The following GALNT2 variants were observed in gnomAD, a reference collection of about 807,000 sequenced individuals.
GALNT2 encodes the protein polypeptide N-acetylgalactosaminyltransferase 2.
A neutral mutation model predicts 81.4 loss-of-function variants in GALNT2; 31 were observed. The observed-to-expected ratio is 0.38, with a 90% CI of 0.29 to 0.51. The LOEUF is 0.51. Ranked by LOEUF, GALNT2 falls within the 20% of genes least tolerant of loss-of-function variation. The pLI is 0.87. For missense variants in GALNT2, 629 were observed against 765.7 expected, an observed-to-expected ratio of 0.82 and a Z score of 2.11; for synonymous variants, 303 against 287.4, an observed-to-expected ratio of 1.05 and a Z score of -0.55.
rs182842011 is a variant in GALNT2, at chr1:230,241,307, A to G, written c.608-1999A>G. ...TGACATTGTGGATGATATGTTGTAG[A>G]AACACTGGATTATGTTATCTTTCTC... On this transcript the variant is annotated intron_variant, in intron 6 of 15. Coordinates refer to ENST00000366672, the MANE Select transcript of GALNT2 (RefSeq NM_004481.5). Among the ~76,000 whole-genome samples, 1,092 of 152,322 alleles carry G rather than the reference A, an allele frequency of 7.2e-3. 9 individuals are homozygous for G. Among genetic ancestry groups the G allele is most frequent in the Middle Eastern group, 0.01 (3 of 294 alleles).
Position 230,209,976 on chromosome 1 carries a change from T to C in GALNT2, c.374+6686T>C, listed in dbSNP as rs571840593. On this transcript the variant is annotated intron_variant, in intron 3 of 15. Transcript: ENST00000366672. ...TGAAATGACTTGGGTAACACTTGCC[T>C]TCATTTTCTCTTAAGCTCTTCTGAA... Among the ~76,000 whole-genome samples the C allele has an allele frequency of 5.9e-5, 9 of 152,342 alleles. No homozygotes were observed. The South Asian group carries it at 1.7e-3, about 28-fold the overall frequency.
At chr1:230,105,525 AGTTGATG>A (rs1660518364) in intron 1 of GALNT2, among the ~76,000 whole-genome samples, 3 of 152,148 alleles carry the variant, frequency 2.0e-5, no homozygotes, top group East Asian at 3.9e-4. Flanking sequence ...TGCTCCCTAG[AGTTGATG>A]GTCCCTGCGG....
chr1:230,119,460 G>A (rs181788628), intron 1 of GALNT2, among the ~76,000 whole-genome samples: 1 of 152,170 alleles, frequency 6.6e-6, no homozygotes, highest in South Asian at 2.1e-4. Flanking sequence ...TGCTCGCCAC[G>A]TGGGGTCTGT....
intron 1 of GALNT2, among the ~76,000 whole-genome samples, chr1:230,148,578 CTT>C (rs1298902318): frequency 6.6e-6 from 1 of 151,578 alleles, no homozygotes; most frequent in South Asian, 2.1e-4. Context: ...GTTTTGTTTT[CTT>C]TTTTTTTCTT....
At chr1:230,214,953 G>A (rs1312283048) in intron 3 of GALNT2, among the ~76,000 whole-genome samples, 1 of 152,082 alleles carries the variant, frequency 6.6e-6, no homozygotes, top group East Asian at 1.9e-4. Context: ...GTGTTTTGTT[G>A]TGTATGAATA....
At chr1:230,265,025 G>A (rs565399290) in intron 13 of GALNT2, 95 of 501,160 alleles carry the variant, frequency 1.9e-4, no homozygotes, top group African/African-American at 1.3e-3. Context: ...GAATACTTCT[G>A]CAACATACAG....
intron 1 of GALNT2, among the ~76,000 whole-genome samples, chr1:230,087,842 G>A (rs189026799): frequency 3.3e-5 from 5 of 152,314 alleles, no homozygotes; most frequent in Middle Eastern, 3.4e-3. Flanking sequence ...ATATTGATGG[G>A]CATATAATGA....
chr1:230,149,863 C>T (rs762328304), intron 1 of GALNT2, among the ~76,000 whole-genome samples: 12 of 152,202 alleles, frequency 7.9e-5, no homozygotes, highest in African/African-American at 1.4e-4. Context: ...CTGGCAGAGC[C>T]GTCTCTGGGC....
upstream of GALNT2, among the ~76,000 whole-genome samples, chr1:230,065,181 CT>C (rs1659142954): frequency 6.6e-6 from 1 of 151,916 alleles, no homozygotes; most frequent in South Asian, 2.1e-4. Context: ...CTCTCTGAAC[CT>C]TTTTACTTCT....
chr1:230,071,182 T>C (rs1659359192), intron 1 of GALNT2, among the ~76,000 whole-genome samples: 1 of 152,258 alleles, frequency 6.6e-6, no homozygotes, highest in South Asian at 2.1e-4. Flanking sequence ...CAATTCTTGA[T>C]TTCTGGAAAA....
At position 230,191,736 on chromosome 1, in the gene GALNT2, C is replaced by T. The variant is rs1290807242; in HGVS notation, c.221-11401C>T. Among the ~76,000 whole-genome samples the T allele has an allele frequency of 2.6e-5, 4 of 152,250 alleles. No homozygotes were observed. In the East Asian group the frequency reaches 7.7e-4, roughly 29 times the overall value. ...CTATGTTCCCCAGGCTGATCTCAAA[C>T]TCCTGAGCCCAAGTGATCCCTATTC... On this transcript the variant is annotated intron_variant, in intron 2 of 15. Coordinates refer to ENST00000366672, the MANE Select transcript of GALNT2 (RefSeq NM_004481.5).
rs1185979348 is a variant in GALNT2, at chr1:230,254,719, A to G, written c.1010-499A>G. Among the ~76,000 whole-genome samples, 3 of 152,250 alleles carry G rather than the reference A, an allele frequency of 2.0e-5. No individual in the cohort carries two copies. The East Asian group carries it at 5.8e-4, about 29-fold the overall frequency. On this transcript the variant is annotated intron_variant, in intron 10 of 15. Coordinates refer to ENST00000366672, the MANE Select transcript of GALNT2 (RefSeq NM_004481.5). ...GATGGCATATATGGTTGTCTAGAAT[A>G]TGTAACAATAAAGCTTAATTGTACA...
At chr1:230,091,597 T>C (rs1370104893) in intron 1 of GALNT2, 1 of 152,258 alleles carries the variant, frequency 6.6e-6, no homozygotes, top group Non-Finnish European at 1.5e-5. Context: ...AGCTCCAGAC[T>C]CTGTGCTCTG....
chr1:230,249,159 C>T, intron 8 of GALNT2, 25 bp from the exon 9 acceptor site: 1 of 1,608,334 alleles, frequency 6.2e-7, no homozygotes, highest in Non-Finnish European at 8.5e-7. Flanking sequence ...CTTGTCAACA[C>T]CCTGTTTCTT....
At chr1:230,179,950 C>G (rs1420542441) in intron 2 of GALNT2, among the ~76,000 whole-genome samples, 1 of 152,192 alleles carries the variant, frequency 6.6e-6, no homozygotes, top group African/African-American at 2.4e-5. Context: ...GACAGAGTCT[C>G]ACTCTGTTGC....
At chr1:230,075,314 C>G (rs1389457079) in intron 1 of GALNT2, among the ~76,000 whole-genome samples, 1 of 151,910 alleles carries the variant, frequency 6.6e-6, no homozygotes, top group African/African-American at 2.4e-5. Context: ...TTAATAGAGA[C>G]AGGGTTTCAC....
In GALNT2 at chr1:230,271,596, G is replaced by A. The variant is rs554103877; in HGVS notation, c.1441-2849G>A. Among the ~76,000 whole-genome samples the A allele has an allele frequency of 2.4e-4, 37 of 152,358 alleles. No homozygotes were observed. The highest frequency in any genetic ancestry group is 8.4e-4 in the African/African-American group (35 of 41,584). ...TCTGACTGTAAATCAGGGCTCCCGC[G>A]ACCTCGCCTTGAATTCATTCATTTG... is the stretch of plus-strand genomic sequence containing the variant. On this transcript the variant is annotated intron_variant, in intron 14 of 15. Transcript: ENST00000366672. The surrounding 1 kb of genome is among the most constrained non-coding windows in gnomAD (Gnocchi z 4.2).
chr1:230,127,530 C>T (rs1343335343), intron 1 of GALNT2, among the ~76,000 whole-genome samples: 13 of 150,782 alleles, frequency 8.6e-5, no homozygotes, highest in African/African-American at 3.0e-4. Context: ...CATGCGGCAC[C>T]ATGCGCAGCT....
chr1:230,182,112 A>T (rs1663178815), intron 2 of GALNT2, among the ~76,000 whole-genome samples: 1 of 151,872 alleles, frequency 6.6e-6, no homozygotes, highest in Non-Finnish European at 1.5e-5. Flanking sequence ...TATTGGTAAA[A>T]TGTGCCTTTT....
Sources: allele counts gnomAD v4.1 joint callset (sites outside exome capture counted in the v4.1 genomes callset), GRCh38; gene constraint gnomAD v4.1.1; non-coding constraint Gnocchi (gnomAD v3.1); transcripts MANE v1.5; gene names NCBI Gene and HGNC (gene_info 2026-07-23, HGNC 2026-07-21).